TMCO1: variants seen among roughly 807,000 people sequenced by gnomAD.
The protein encoded by TMCO1 is calcium load-activated calcium channel.
TMCO1 carries 29 observed loss-of-function variants against 29.3 expected under a neutral mutation model. The observed-to-expected ratio is 0.99, with a 90% CI of 0.74 to 1.35. TMCO1 has a LOEUF of 1.35. TMCO1 is among the 40% of genes most tolerant of loss of function. The pLI is 0.00. For missense variants in TMCO1, 173 were observed against 225.5 expected (o/e 0.77, Z 1.49); for synonymous variants, 80 against 77.1 (o/e 1.04, Z -0.20).
intron 5 of TMCO1, among the ~76,000 whole-genome samples, chr1:165,751,857 A>G (rs1652003478): frequency 6.6e-6 from 1 of 152,164 alleles, no homozygotes; most frequent in South Asian, 2.1e-4. Flanking sequence ...ATTAAGAAAA[A>G]TACATAAATA....
At position 165,768,828 on chromosome 1, in the gene TMCO1, C is replaced by T; in HGVS notation, c.-77G>A. 1 of 1,600,146 alleles carries T rather than the reference C, an allele frequency of 6.2e-7. No individual in the cohort carries two copies. The highest frequency in any genetic ancestry group is 8.5e-7 in the Non-Finnish European group (1 of 1,172,840). ...GCCAGGAAAAGTGAAGCGAAAACGG[C>T]TTCCGTAGACTCCGCCACCACCGAG... On this transcript the variant is annotated 5_prime_UTR_variant, in exon 1 of 7. Transcript: ENST00000367881.
At chr1:165,759,667 G>GA (rs2101813443) in intron 2 of TMCO1, 83 bp from the exon 3 acceptor site, 1 of 1,224,220 alleles carries the variant, frequency 8.2e-7, no homozygotes, top group East Asian at 2.4e-5. Context: ...CTGAACCAAT[G>GA]AAAGAAGCTT....
chr1:165,762,943 A>G (rs2101816130), intron 2 of TMCO1, among the ~76,000 whole-genome samples: 2 of 152,336 alleles, frequency 1.3e-5, no homozygotes, highest in African/African-American at 4.8e-5. Context: ...ACAATAAAAG[A>G]AGACCTACTG....
downstream of TMCO1, chr1:165,725,004 CTCTCTCTCTCTCTCTCTCTCTA>C (rs1345091720): frequency 9.3e-4 from 250 of 270,266 alleles, no homozygotes; most frequent in African/African-American, 8.1e-3. Context: ...CTCTCTCTCT[CTCTCTCTCTCTCTCTCTCTCTA>C]TATATATATA....
intron 6 of TMCO1, among the ~76,000 whole-genome samples, chr1:165,739,167 T>C (rs1651495718): frequency 6.6e-6 from 1 of 152,200 alleles, no homozygotes; most frequent in African/African-American, 2.4e-5. Flanking sequence ...GCTGTACCAG[T>C]CTAGGATCTG....
rs1650973310 is a variant in TMCO1, at chr1:165,727,997, T to A, written c.*26A>T. On this transcript the variant is annotated 3_prime_UTR_variant, in exon 7 of 7. Coordinates refer to ENST00000367881, the MANE Select transcript of TMCO1 (RefSeq NM_019026.6). ...CTGATGTGTGTGTGTCTAGAAAGAATGATAGAAAATAAAGAGTTCTTGAGT... is the reference window on the plus strand; with the variant it reads ...CTGATGTGTGTGTGTCTAGAAAGAAAGATAGAAAATAAAGAGTTCTTGAGT... The A allele has an allele frequency of 6.5e-7, 1 of 1,548,468 alleles. No individual in the cohort carries two copies.
At chr1:165,728,998 C>T (rs537980788) in intron 6 of TMCO1, among the ~76,000 whole-genome samples, 34 of 148,804 alleles carry the variant, frequency 2.3e-4, no homozygotes, top group African/African-American at 6.9e-4. Context: ...CCTAGCTACT[C>T]GGGAGGGTGA....
At chr1:165,738,038 C>T (rs1651455186) in intron 6 of TMCO1, among the ~76,000 whole-genome samples, 1 of 152,048 alleles carries the variant, frequency 6.6e-6, no homozygotes, top group Non-Finnish European at 1.5e-5. Flanking sequence ...AGCTGCCAGG[C>T]GTTCAGCACT....
intron 6 of TMCO1, among the ~76,000 whole-genome samples, chr1:165,737,981 C>T (rs1045870741): frequency 5.3e-5 from 8 of 152,178 alleles, no homozygotes; most frequent in East Asian, 1.9e-4. Flanking sequence ...CCATTACAAA[C>T]GTTCATGCCT....
In TMCO1 at chr1:165,727,827, T is replaced by C. The variant is rs1650966319; in HGVS notation, c.*196A>G. On this transcript the variant is annotated 3_prime_UTR_variant, in exon 7 of 7. Coordinates refer to ENST00000367881, the MANE Select transcript of TMCO1 (RefSeq NM_019026.6). ...AATCAATCCACTTATTTGATAAAAA[T>C]CATCTAGGACCAAAAGCACTATCAA... is the stretch of plus-strand genomic sequence containing the variant. 1.9e-6 allele frequency: 1 copy of C among 518,396 alleles called. No homozygotes were observed. The highest frequency in any genetic ancestry group is 3.7e-6 in the Non-Finnish European group (1 of 268,660). 32.1% of individuals were successfully genotyped at this position (518,396 alleles called of 1,614,324 possible). A position where few individuals can be genotyped will look rare whatever the true frequency, so the allele number is the denominator to read the frequency against.
In TMCO1 at chr1:165,743,319, A is replaced by T. The variant is rs75360203; in HGVS notation, c.324-8T>A. The T allele has an allele frequency of 4.8e-6, 2 of 420,472 alleles. No individual in the cohort carries two copies. 26.0% of individuals were successfully genotyped at this position (420,472 alleles called of 1,614,324 possible). A position where few individuals can be genotyped will look rare whatever the true frequency, so the allele number is the denominator to read the frequency against. On this transcript the variant is annotated splice_polypyrimidine_tract_variant and splice_region_variant and intron_variant, in intron 5 of 6. Transcript: ENST00000367881. ...ACCACTCTACCATCAAATCTAAAAG[A>T]AAAAAAAAAAAAAAGAATTGTTATC... is the stretch of plus-strand genomic sequence containing the variant.
At position 165,752,356 on chromosome 1, in the gene TMCO1, C is replaced by A. The variant is rs542510438; in HGVS notation, c.256-187G>T. Among the ~76,000 whole-genome samples, 1,359 of 150,508 alleles carry A rather than the reference C, an allele frequency of 9.0e-3. 19 individuals are homozygous for A. The highest frequency in any genetic ancestry group is 0.031 in the African/African-American group (1,280 of 41,022). ...TGCAAGCTCCGTCCCCCCGGGTTCA[C>A]GCCATTCCCTTGCCTCAGCCTCCCG... is the stretch of plus-strand genomic sequence containing the variant. On this transcript the variant is annotated intron_variant, in intron 4 of 6. Transcript: ENST00000367881.
intron 6 of TMCO1, among the ~76,000 whole-genome samples, chr1:165,742,934 T>A (rs1487073898): frequency 1.3e-5 from 2 of 152,194 alleles, no homozygotes; most frequent in African/African-American, 2.4e-5. Context: ...GCTCTAAGAA[T>A]GGGATGTGGA....
At chr1:165,744,324 C>T (rs1397368855) in intron 5 of TMCO1, among the ~76,000 whole-genome samples, 1 of 152,078 alleles carries the variant, frequency 6.6e-6, no homozygotes, top group Non-Finnish European at 1.5e-5. Context: ...CATATTTTGG[C>T]CCAGTAAAAC....
chr1:165,763,986 A>G (rs1296113531), intron 2 of TMCO1, among the ~76,000 whole-genome samples: 1 of 152,224 alleles, frequency 6.6e-6, no homozygotes, highest in East Asian at 1.9e-4. Flanking sequence ...TTATTTCTAT[A>G]AAGTAAATAA....
intron 6 of TMCO1, among the ~76,000 whole-genome samples, chr1:165,732,649 T>G (rs1651215209): frequency 6.6e-6 from 1 of 152,028 alleles, no homozygotes. Flanking sequence ...TAATCAATTG[T>G]AACAAATGTA....
At chr1:165,733,491 C>T (rs961149130) in intron 6 of TMCO1, among the ~76,000 whole-genome samples, 2 of 151,904 alleles carry the variant, frequency 1.3e-5, no homozygotes, top group African/African-American at 4.8e-5. Context: ...ATCCTAGCTA[C>T]TTGGGAGGCT....
intron 6 of TMCO1, among the ~76,000 whole-genome samples, chr1:165,732,751 T>C (rs1651220197): frequency 6.6e-6 from 1 of 152,100 alleles, no homozygotes; most frequent in African/African-American, 2.4e-5. Flanking sequence ...CCACTCAATT[T>C]TGCTGTGAAC....
At chr1:165,746,164 C>T (rs1385302230) in intron 5 of TMCO1, among the ~76,000 whole-genome samples, 1 of 151,898 alleles carries the variant, frequency 6.6e-6, no homozygotes, top group Non-Finnish European at 1.5e-5. Flanking sequence ...AGAAAATTAG[C>T]CAGGCATGGT....
Sources: allele counts gnomAD v4.1 joint callset (sites outside exome capture counted in the v4.1 genomes callset), GRCh38; gene constraint gnomAD v4.1.1; transcripts MANE v1.5; gene names NCBI Gene and HGNC (gene_info 2026-07-23, HGNC 2026-07-21).